DPP10: variants seen among roughly 807,000 people sequenced by gnomAD.
DPP10 encodes inactive dipeptidyl peptidase 10.
DPP10 carries 33 observed loss-of-function variants against 120.9 expected under a neutral mutation model. The ratio of observed to expected loss-of-function variants is 0.27; its 90% CI spans 0.21 to 0.37. The LOEUF (loss-of-function observed/expected upper bound fraction) is 0.37, where lower values mean the gene tolerates loss of function less well. DPP10 is among the 10% of genes least tolerant of loss of function. DPP10 has a pLI of 1.00. For synonymous variants in DPP10, 337 were observed against 326.1 expected, an observed-to-expected ratio of 1.03 and a Z score of -0.36; for missense variants, 816 against 942.8, an observed-to-expected ratio of 0.87 and a Z score of 1.76.
At chr2:115,655,836 A>G (rs2149391106) in intron 5 of DPP10, among the ~76,000 whole-genome samples, 1 of 151,748 alleles carries the variant, frequency 6.6e-6, no homozygotes, top group East Asian at 1.9e-4. Context: ...AATACAAATA[A>G]TTTCTTAGGG....
At chr2:114,924,999 C>G (rs1384344154) in intron 1 of DPP10, among the ~76,000 whole-genome samples, 1 of 151,816 alleles carries the variant, frequency 6.6e-6, no homozygotes, top group Non-Finnish European at 1.5e-5. Context: ...ATCACGAGGT[C>G]AGGAGTTTGA....
chr2:115,840,168 T>G (rs148451604), intron 24 of DPP10, among the ~76,000 whole-genome samples: 8 of 151,746 alleles, frequency 5.3e-5, no homozygotes, highest in African/African-American at 1.4e-4. Flanking sequence ...TACTATCCAG[T>G]AAAGTAAATA....
Position 114,547,322 on chromosome 2 carries a change from G to A in DPP10, c.60+104484G>A, listed in dbSNP as rs1475289475. Among the ~76,000 whole-genome samples the A allele has an allele frequency of 2.6e-5, 4 of 152,326 alleles. No homozygotes were observed. In the South Asian group the frequency reaches 8.3e-4, roughly 32 times the overall value. ...CTGCCCAGTCACGGCTGCTGCTGCT[G>A]CCCCTGCAGGGTCTGGATGCAGGCA... On this transcript the variant is annotated intron_variant, in intron 1 of 25. Transcript: ENST00000410059.
At chr2:114,497,334 TGTACATATAC>T (rs1682723378) in intron 1 of DPP10, among the ~76,000 whole-genome samples, 5 of 24,224 alleles carry the variant, frequency 2.1e-4, no homozygotes, top group African/African-American at 5.5e-4. Context: ...CGTGTATACA[TGTACATATAC>T]ATACACATGT....
At chr2:114,663,668 T>TATATATATATATATATAGAGAGAGAGAG in intron 1 of DPP10, among the ~76,000 whole-genome samples, 4 of 80,706 alleles carry the variant, frequency 5.0e-5, no homozygotes, top group African/African-American at 3.8e-4. Context: ...TATATATATA[T>TATATATATATATATATAGAGAGAGAGAG]AGAGAGAGAG....
At chr2:115,088,767 A>AAAAAAC in intron 1 of DPP10, among the ~76,000 whole-genome samples, 1 of 149,834 alleles carries the variant, frequency 6.7e-6, no homozygotes, top group Non-Finnish European at 1.5e-5. Context: ...AAAAAAAAAA[A>AAAAAAC]AACCAAAAAA....
At chr2:114,634,517 A>G (rs1695172184) in intron 1 of DPP10, among the ~76,000 whole-genome samples, 1 of 151,890 alleles carries the variant, frequency 6.6e-6, no homozygotes, top group South Asian at 2.1e-4. Context: ...GTAAACCCTT[A>G]GCTACTTTGC....
In DPP10 at chr2:115,404,257, G is replaced by T. The variant is rs143362328; in HGVS notation, c.271+60345G>T. The stretch of plus-strand genomic sequence containing the variant: ...GTCACATGATCAAAGCAGCAGAAGT[G>T]GGAGGTACCACATACTTTTAAATGA... On this transcript the variant is annotated intron_variant, in intron 3 of 25. Transcript: ENST00000410059. Among the ~76,000 whole-genome samples, 480 of 152,118 alleles carry T rather than the reference G, an allele frequency of 3.2e-3. 1 individual carries two copies. The highest frequency in any genetic ancestry group is 3.4e-3 in the Non-Finnish European group (231 of 67,992).
chr2:115,529,022 C>T (rs1045362626), intron 5 of DPP10, among the ~76,000 whole-genome samples: 9 of 151,802 alleles, frequency 5.9e-5, no homozygotes, highest in Admixed American at 3.3e-4. Flanking sequence ...AAGATAGTAT[C>T]GGTGGGGAAA....
At chr2:115,580,629 C>A (rs1558878623) in intron 5 of DPP10, among the ~76,000 whole-genome samples, 1 of 152,124 alleles carries the variant, frequency 6.6e-6, no homozygotes, top group African/African-American at 2.4e-5. Flanking sequence ...ATCTGCTGTT[C>A]TATCTACTGG....
intron 1 of DPP10, among the ~76,000 whole-genome samples, chr2:114,741,465 A>G (rs1678055811): frequency 6.6e-6 from 1 of 151,926 alleles, no homozygotes; most frequent in Non-Finnish European, 1.5e-5. Context: ...AGGAGAGTTC[A>G]CTCCTATCCT....
At chr2:115,208,114 A>T (rs766830245) in intron 1 of DPP10, among the ~76,000 whole-genome samples, 58 of 152,174 alleles carry the variant, frequency 3.8e-4, no homozygotes, top group Non-Finnish European at 7.6e-4. Flanking sequence ...ATCTTGATAA[A>T]AGCTTTAAAG....
At chr2:114,664,418 C>G (rs149269099) in intron 1 of DPP10, among the ~76,000 whole-genome samples, 1 of 151,812 alleles carries the variant, frequency 6.6e-6, no homozygotes, top group Non-Finnish European at 1.5e-5. Flanking sequence ...CACCTGAAGT[C>G]AGGAGTTTGA....
intron 1 of DPP10, chr2:114,461,511 T>C: frequency 1.1e-6 from 1 of 903,906 alleles, no homozygotes; most frequent in Non-Finnish European, 1.3e-6. Context: ...AATTAGCCTC[T>C]CCCACACACT....
intron 1 of DPP10, among the ~76,000 whole-genome samples, chr2:114,751,227 C>T (rs1378881205): frequency 6.6e-6 from 1 of 151,418 alleles, no homozygotes; most frequent in African/African-American, 2.4e-5. Context: ...TGATTCTCCC[C>T]ACTGGCCTAC....
intron 1 of DPP10, among the ~76,000 whole-genome samples, chr2:114,850,924 G>A (rs190437481): frequency 5.3e-5 from 8 of 151,990 alleles, no homozygotes; most frequent in Admixed American, 4.6e-4. Flanking sequence ...AGTTTCTTTG[G>A]AAACCTTCTA....
At chr2:115,350,742 A>G (rs1297057763) in intron 3 of DPP10, among the ~76,000 whole-genome samples, 5 of 152,130 alleles carry the variant, frequency 3.3e-5, no homozygotes, top group African/African-American at 1.2e-4. Context: ...TTGAGACATA[A>G]TATTTCCTGT....
chr2:115,005,481 A>T (rs1701753945), intron 1 of DPP10, among the ~76,000 whole-genome samples: 1 of 151,396 alleles, frequency 6.6e-6, no homozygotes. Context: ...AAAATTTAGA[A>T]GAATGTATAA....
rs566246390 is a variant in DPP10, at chr2:115,514,172, T to C, written c.367-11726T>C. Among the ~76,000 whole-genome samples, 613 of 152,074 alleles carry C rather than the reference T, an allele frequency of 4.0e-3. 2 individuals are homozygous for C. The highest frequency in any genetic ancestry group is 0.014 in the African/African-American group (568 of 41,576). On this transcript the variant is annotated intron_variant, in intron 4 of 25. Coordinates refer to ENST00000410059, the MANE Select transcript of DPP10 (RefSeq NM_020868.6). ...CTTGTATGTGATGTTATGTTTTTAG[T>C]GCTGTTTTCATTAATTTCTCTTTGT...
Sources: allele counts gnomAD v4.1 joint callset (sites outside exome capture counted in the v4.1 genomes callset), GRCh38; gene constraint gnomAD v4.1.1; transcripts MANE v1.5; gene names NCBI Gene and HGNC (gene_info 2026-07-23, HGNC 2026-07-21).